MGA: variants seen among roughly 807,000 people sequenced by gnomAD.
MGA encodes the protein MAX dimerization protein MGA, also known as MAX gene-associated protein.
Under a neutral mutation model 261.1 loss-of-function variants are expected in MGA, and 40 were observed. That is an observed-to-expected ratio of 0.15 (90% CI 0.12 to 0.20). The LOEUF is 0.20. Among genes scored for constraint, MGA ranks in the 10% least tolerant of loss-of-function variants. The probability of loss-of-function intolerance (pLI) is 1.00; values close to 1 mark genes in which losing one functional copy is unlikely to be tolerated. For synonymous variants in MGA, 1,302 were observed against 1,290.6 expected (o/e 1.01, Z -0.19); for missense variants, 3,397 against 3,630.5 (o/e 0.94, Z 1.65).
chr15:41,640,220 T>TA (rs1375516968), intron 1 of MGA, among the ~76,000 whole-genome samples: 1 of 152,040 alleles, frequency 6.6e-6, no homozygotes, highest in Non-Finnish European at 1.5e-5. Context: ...AAGGTTCAGA[T>TA]AAAAAAACCC....
At chr15:41,745,126 C>G (rs1358277634) in intron 15 of MGA, among the ~76,000 whole-genome samples, 1 of 151,960 alleles carries the variant, frequency 6.6e-6, no homozygotes, top group African/African-American at 2.4e-5. Context: ...ATCGGCCTGC[C>G]TTGGCCTCCC....
At chr15:41,673,547 T>C (rs1390859142) in intron 2 of MGA, among the ~76,000 whole-genome samples, 3 of 148,428 alleles carry the variant, frequency 2.0e-5, no homozygotes, top group Non-Finnish European at 3.0e-5. Flanking sequence ...TTTCTTTTTT[T>C]TTTTTTTTTT....
chr15:41,679,936 A>G lies in MGA; in HGVS notation c.1064+9978A>G, dbSNP rs1006969735. Among the ~76,000 whole-genome samples, 9 of 152,002 alleles carry G rather than the reference A, an allele frequency of 5.9e-5. No individual in the cohort carries two copies. The South Asian group carries it at 6.2e-4, about 11-fold the overall frequency. Reference sequence around the variant, plus strand: ...GCAAAAGTGGGAGCATTATGGTTGTAGTTTGTCTTTTTCTAGTGATTAGCA... The same window carrying G: ...GCAAAAGTGGGAGCATTATGGTTGTGGTTTGTCTTTTTCTAGTGATTAGCA... On this transcript the variant is annotated intron_variant, in intron 2 of 23. Coordinates refer to ENST00000219905, the MANE Select transcript of MGA (RefSeq NM_001164273.2).
At chr15:41,741,858 C>T (rs1386638878) in intron 14 of MGA, among the ~76,000 whole-genome samples, 6 of 151,860 alleles carry the variant, frequency 4.0e-5, no homozygotes, top group African/African-American at 1.5e-4. Context: ...ATTACAGGCA[C>T]GTGCCACCAT....
At position 41,750,624 on chromosome 15, in the gene MGA, C is replaced by A; in HGVS notation, c.7008+9C>A. 6.3e-7 allele frequency: 1 copy of A among 1,590,762 alleles called. No homozygotes were observed. The highest frequency in any genetic ancestry group is 8.5e-7 in the Non-Finnish European group (1 of 1,170,186). ...TTGATGATGTAGAAAAGGTGGTGAG[C>A]CCATTTTTGTTGTGACTGAAACCTA... is the stretch of plus-strand genomic sequence containing the variant. On this transcript the variant is annotated intron_variant, in intron 17 of 23. Coordinates refer to ENST00000219905, the MANE Select transcript of MGA (RefSeq NM_001164273.2).
At chr15:41,672,273 C>T (rs1452326681) in intron 2 of MGA, among the ~76,000 whole-genome samples, 1 of 152,190 alleles carries the variant, frequency 6.6e-6, no homozygotes, top group Admixed American at 6.5e-5. Flanking sequence ...CCTACCTCAG[C>T]CTCCTGAATA....
intron 1 of MGA, among the ~76,000 whole-genome samples, chr15:41,625,407 C>CTGA (rs1198760242): frequency 1.3e-5 from 2 of 150,868 alleles, no homozygotes; most frequent in African/African-American, 4.9e-5. Flanking sequence ...TTGAACAAGG[C>CTGA]TGATACAGGA....
Position 41,754,581 on chromosome 15 carries a change from C to A in MGA, c.7139+14C>A. 6.5e-7 allele frequency: 1 copy of A among 1,548,426 alleles called. No individual in the cohort carries two copies. ...ATTCAAACAGCCGTAAGTCTTATTT[C>A]TCTTTGGATTGTTGTTTTTGTAGTT... On this transcript the variant is annotated intron_variant, in intron 18 of 23. Coordinates refer to ENST00000219905, the MANE Select transcript of MGA (RefSeq NM_001164273.2).
At chr15:41,626,320 G>T (rs973115076) in intron 1 of MGA, among the ~76,000 whole-genome samples, 6 of 139,528 alleles carry the variant, frequency 4.3e-5, no homozygotes, top group Non-Finnish European at 7.7e-5. Flanking sequence ...GTCTTTCCAT[G>T]TTGCACAGGC....
Position 41,668,878 on chromosome 15 carries a change from A to C in MGA, c.-17A>C, listed in dbSNP as rs2057906850. On this transcript the variant is annotated 5_prime_UTR_variant, in exon 2 of 24. Coordinates refer to ENST00000219905, the MANE Select transcript of MGA (RefSeq NM_001164273.2). The stretch of plus-strand genomic sequence containing the variant: ...GGTGATTACAGTTGTCTTACTACTG[A>C]GTTTCCTACTGAAATCATGGAGGAG... 6.6e-7 allele frequency: 1 copy of C among 1,522,486 alleles called. No individual in the cohort carries two copies. The highest frequency in any genetic ancestry group is 8.9e-7 in the Non-Finnish European group (1 of 1,127,150). The allele number at this position is 1,522,486 out of a possible 1,614,324, so 94.3% of individuals were successfully genotyped here.
At chr15:41,650,264 A>G (rs2057015765) in intron 1 of MGA, among the ~76,000 whole-genome samples, 1 of 152,164 alleles carries the variant, frequency 6.6e-6, no homozygotes, top group African/African-American at 2.4e-5. Context: ...GACTTGAGGA[A>G]TTAATGAATA....
At position 41,713,436 on chromosome 15, in the gene MGA, G is replaced by A. The variant is rs373831853; in HGVS notation, c.3370G>A (p.Gly1124Arg). 36 of 1,569,050 alleles carry A rather than the reference G, an allele frequency of 2.3e-5. No homozygotes were observed. Among genetic ancestry groups the A allele is most frequent in the Non-Finnish European group, 3.0e-5 (35 of 1,155,782 alleles). The change falls in exon 9 of 24, where the codon GGA (glycine) becomes AGA (arginine). Residue 1124 changes from glycine to arginine, a missense_variant. Physicochemically the swap from Gly to Arg is moderately radical, Grantham distance 125. This residue lies in a region of MGA where 519 missense variants were observed against 554.1 expected (regional missense o/e 0.94). Coordinates refer to ENST00000219905, the MANE Select transcript of MGA (RefSeq NM_001164273.2). ...AGAGGAGGCAAGGGAGGAGGAAGAA[G>A]GAATCAGGGAGGAGGAGGAACAATT...
intron 18 of MGA, among the ~76,000 whole-genome samples, chr15:41,755,244 A>G (rs901303326): frequency 2.9e-4 from 44 of 152,218 alleles, no homozygotes; most frequent in Admixed American, 7.9e-4. Context: ...CTGTCATCTC[A>G]TTAACTACGA....
chr15:41,749,654 C>T lies in MGA; in HGVS notation c.6047C>T (p.Thr2016Ile). ...ATAAAACAAAACTCAGGAGCTGCTA[C>T]CTCAGAAGAAACTCTGAATGATTCC... The change falls in exon 17 of 24, where the codon ACC becomes ATC. Residue 2016 changes from threonine (T) to isoleucine (I), a missense_variant. Coordinates refer to ENST00000219905, the MANE Select transcript of MGA (RefSeq NM_001164273.2). 1 of 1,613,992 alleles carries T rather than the reference C, an allele frequency of 6.2e-7. No individual in the cohort carries two copies. The highest frequency in any genetic ancestry group is 1.1e-5 in the South Asian group (1 of 91,084).
At position 41,668,847 on chromosome 15, in the gene MGA, C is replaced by G. The variant is rs771831339; in HGVS notation, c.-48C>G. The G allele has an allele frequency of 4.3e-6, 6 of 1,379,912 alleles. No homozygotes were observed. The Admixed American group carries it at 1.4e-4, about 32-fold the overall frequency. 85.5% of individuals were successfully genotyped at this position (1,379,912 alleles called of 1,614,324 possible). A position where few individuals can be genotyped will look rare whatever the true frequency, so the allele number is the denominator to read the frequency against. On this transcript the variant is annotated 5_prime_UTR_variant, in exon 2 of 24. Transcript: ENST00000219905. The stretch of plus-strand genomic sequence containing the variant: ...TCTTAGGATGGGAAGGCCATTGTGA[C>G]TATGTGGTGATTACAGTTGTCTTAC...
intron 1 of MGA, among the ~76,000 whole-genome samples, chr15:41,622,554 T>C (rs895171388): frequency 2.6e-5 from 4 of 152,180 alleles, no homozygotes; most frequent in Non-Finnish European, 5.9e-5. Context: ...TCGAAAAATA[T>C]TGTCTTTTAG....
chr15:41,725,377 C>G (rs540387203), intron 9 of MGA, among the ~76,000 whole-genome samples: 2 of 151,754 alleles, frequency 1.3e-5, no homozygotes, highest in African/African-American at 4.8e-5. Context: ...TTTTAAAGAC[C>G]TAAAATTTAT....
At chr15:41,622,458 G>A (rs1304037923) in intron 1 of MGA, among the ~76,000 whole-genome samples, 1 of 152,136 alleles carries the variant, frequency 6.6e-6, no homozygotes, top group Non-Finnish European at 1.5e-5. Context: ...GGGAAACCTG[G>A]TGGAGGTAAT....
At position 41,767,308 on chromosome 15, in the gene MGA, G is replaced by T. The variant is rs775303886; in HGVS notation, c.*28G>T. The T allele has an allele frequency of 2.5e-6, 4 of 1,571,284 alleles. No individual in the cohort carries two copies. The highest frequency in any genetic ancestry group is 1.2e-5 in the South Asian group (1 of 85,090). On this transcript the variant is annotated 3_prime_UTR_variant, in exon 24 of 24. Transcript: ENST00000219905. Reference sequence around the variant, plus strand: ...TTACTTGTCCTTAAGCAGAAGCCAGGCTGTGAGGGGAAATAGATCTCACCT... The same window carrying T: ...TTACTTGTCCTTAAGCAGAAGCCAGTCTGTGAGGGGAAATAGATCTCACCT...
Sources: gnomAD v4.1 joint callset for allele counts (sites outside exome capture counted in the v4.1 genomes callset) on GRCh38, gnomAD v4.1.1 for gene constraint, gnomAD v4.1.1 regional missense constraint, MANE v1.5 for transcripts, NCBI Gene and HGNC (gene_info 2026-07-23, HGNC 2026-07-21) for gene names.